The following NEDD4L variants were observed in gnomAD, a reference collection of about 807,000 sequenced individuals.
The protein encoded by NEDD4L is E3 ubiquitin-protein ligase NEDD4-like.
Under a neutral mutation model 148.9 loss-of-function variants are expected in NEDD4L, and 54 were observed. The observed-to-expected ratio is 0.36, with a 90% CI of 0.29 to 0.45. The LOEUF is 0.45. NEDD4L is among the 20% of genes least tolerant of loss of function. NEDD4L has a pLI of 1.00. For synonymous variants in NEDD4L, 433 were observed against 440.7 expected (o/e 0.98, Z 0.22); for missense variants, 856 against 1,233.8 (o/e 0.69, Z 4.59).
intron 1 of NEDD4L, among the ~76,000 whole-genome samples, chr18:58,119,649 G>A (rs888252140): frequency 3.9e-5 from 6 of 152,234 alleles, no homozygotes; most frequent in African/African-American, 1.4e-4. Context: ...GCTGGGACTG[G>A]ACGACTGAGA....
At chr18:58,321,636 A>G (rs2058782602) in intron 6 of NEDD4L, among the ~76,000 whole-genome samples, 1 of 152,272 alleles carries the variant, frequency 6.6e-6, no homozygotes. Context: ...ATGTGTGTGC[A>G]TGCACGCGCA....
chr18:58,082,100 ATATTTT>A (rs1176274289), intron 1 of NEDD4L, among the ~76,000 whole-genome samples: 31 of 72,246 alleles, frequency 4.3e-4, no homozygotes, highest in Admixed American at 7.3e-4. Flanking sequence ...ATATATATAT[ATATTTT>A]TTTTTTTTTT....
At chr18:58,102,359 T>C (rs754601633) in intron 1 of NEDD4L, among the ~76,000 whole-genome samples, 2 of 152,214 alleles carry the variant, frequency 1.3e-5, no homozygotes, top group Non-Finnish European at 2.9e-5. Flanking sequence ...AAACTTGTTA[T>C]GCTGTAACCC....
chr18:58,217,787 A>G (rs1411363498), intron 2 of NEDD4L, among the ~76,000 whole-genome samples: 1 of 152,196 alleles, frequency 6.6e-6, no homozygotes, highest in Non-Finnish European at 1.5e-5. Flanking sequence ...ATTTCCATCT[A>G]TATTTGGCTA....
chr18:58,392,253 T>C (rs546214479), intron 30 of NEDD4L, among the ~76,000 whole-genome samples: 12 of 152,352 alleles, frequency 7.9e-5, no homozygotes, highest in Non-Finnish European at 1.6e-4. Flanking sequence ...GTGTTGGTTT[T>C]TCTGCAAAGG....
At position 58,198,396 on chromosome 18, in the gene NEDD4L, C is replaced by T. The variant is rs146092008; in HGVS notation, c.122+32535C>T. The stretch of plus-strand genomic sequence containing the variant: ...AGAAGCTGGGGACATCAGCCTAAAG[C>T]GTTTATCAGGTATGTCCTTCCCAAC... On this transcript the variant is annotated intron_variant, in intron 2 of 30. Transcript: ENST00000400345. 2.3e-3 allele frequency among the ~76,000 whole-genome samples: 353 copies of T among 152,268 alleles called. 1 individual carries two copies. Among genetic ancestry groups the T allele is most frequent in the African/African-American group, 8.1e-3 (336 of 41,546 alleles).
At chr18:58,258,678 C>T (rs947559506) in intron 5 of NEDD4L, among the ~76,000 whole-genome samples, 2 of 152,156 alleles carry the variant, frequency 1.3e-5, no homozygotes, top group Admixed American at 1.3e-4. Context: ...CAGTAGTTTG[C>T]ATTTTCATAT....
chr18:58,068,148 G>A (rs1010509713), intron 1 of NEDD4L, among the ~76,000 whole-genome samples: 8 of 150,220 alleles, frequency 5.3e-5, no homozygotes, highest in Non-Finnish European at 1.0e-4. Context: ...TAAAGATGAG[G>A]TATTGCTATG....
At chr18:58,048,449 T>C (rs73959440) in intron 1 of NEDD4L, among the ~76,000 whole-genome samples, 5,763 of 152,242 alleles carry the variant, frequency 0.038, 258 homozygotes, top group African/African-American at 0.11. Flanking sequence ...GGCTGTGATT[T>C]ACAGATGAGG....
At chr18:58,186,435 C>T (rs879517000) in intron 2 of NEDD4L, among the ~76,000 whole-genome samples, 10 of 152,186 alleles carry the variant, frequency 6.6e-5, no homozygotes, top group Admixed American at 5.2e-4. Flanking sequence ...TCTAGCCCAT[C>T]GTGAATTCAT....
Position 58,195,602 on chromosome 18 carries a change from G to C in NEDD4L, c.122+29741G>C, listed in dbSNP as rs773669228. 2.5e-5 allele frequency: 33 copies of C among 1,343,702 alleles called. No homozygotes were observed. In the Admixed American group the frequency reaches 6.4e-4, roughly 26 times the overall value. The allele number at this position is 1,343,702 out of a possible 1,614,324, so 83.2% of individuals were successfully genotyped here. A position where few individuals can be genotyped will look rare whatever the true frequency, so the allele number is the denominator to read the frequency against. ...CCCACTCCAGGCTGTTGGTTACCTG[G>C]CCGGGAGCTGGCGGAGACCAGGATT... On this transcript the variant is annotated intron_variant, in intron 2 of 30. Coordinates refer to ENST00000400345, the MANE Select transcript of NEDD4L (RefSeq NM_001144967.3).
chr18:58,135,334 T>C (rs1412216972), intron 1 of NEDD4L, among the ~76,000 whole-genome samples: 1 of 152,228 alleles, frequency 6.6e-6, no homozygotes, highest in East Asian at 1.9e-4. Flanking sequence ...TTTAGCCTCA[T>C]GTGGTAGTTT....
intron 5 of NEDD4L, among the ~76,000 whole-genome samples, chr18:58,287,393 G>C (rs977478550): frequency 1.3e-5 from 2 of 152,136 alleles, no homozygotes; most frequent in African/African-American, 4.8e-5. Flanking sequence ...GGAGCATACC[G>C]TTTGTCTTCT....
intron 16 of NEDD4L, among the ~76,000 whole-genome samples, chr18:58,345,138 T>C (rs1215823872): frequency 6.6e-6 from 1 of 152,268 alleles, no homozygotes; most frequent in Non-Finnish European, 1.5e-5. Flanking sequence ...AATCATAATC[T>C]GTTAGAACAA....
chr18:58,169,988 T>G (rs1009362829), intron 2 of NEDD4L, among the ~76,000 whole-genome samples: 2 of 152,260 alleles, frequency 1.3e-5, no homozygotes, highest in Non-Finnish European at 2.9e-5. Flanking sequence ...ACTAGGATTC[T>G]ATTTTATTTA....
intron 5 of NEDD4L, among the ~76,000 whole-genome samples, chr18:58,302,272 A>T (rs1308092865): frequency 6.6e-6 from 1 of 152,248 alleles, no homozygotes; most frequent in Non-Finnish European, 1.5e-5. Context: ...CTAAAATCCC[A>T]AGAGAGTGTC....
At chr18:58,072,840 T>C (rs2082938404) in intron 1 of NEDD4L, among the ~76,000 whole-genome samples, 1 of 151,466 alleles carries the variant, frequency 6.6e-6, no homozygotes, top group Admixed American at 6.6e-5. Context: ...CATGATCTTG[T>C]ATATAGAAAA....
At chr18:58,117,849 T>C (rs1663045) in intron 1 of NEDD4L, among the ~76,000 whole-genome samples, 55,702 of 151,844 alleles carry the variant, frequency 0.37, 10,688 homozygotes, top group East Asian at 0.52. Context: ...TGACATGGAG[T>C]GTATAGAATG....
At chr18:58,167,928 A>G (rs1708875954) in intron 2 of NEDD4L, among the ~76,000 whole-genome samples, 1 of 152,170 alleles carries the variant, frequency 6.6e-6, no homozygotes. Context: ...CATTAAAAAA[A>G]AAAATTGATT....
Sources: gnomAD v4.1 joint callset for allele counts (sites outside exome capture counted in the v4.1 genomes callset) on GRCh38, gnomAD v4.1.1 for gene constraint, MANE v1.5 for transcripts, NCBI Gene and HGNC (gene_info 2026-07-23, HGNC 2026-07-21) for gene names.